DLGAP1: variants seen among roughly 807,000 people sequenced by gnomAD.
The protein encoded by DLGAP1 is DLG associated protein 1.
DLGAP1 carries 11 observed loss-of-function variants against 90.8 expected under a neutral mutation model. The observed-to-expected ratio is 0.12, with a 90% CI of 0.08 to 0.20. The LOEUF (loss-of-function observed/expected upper bound fraction) is 0.20, where lower values mean the gene tolerates loss of function less well. Ranked by LOEUF, DLGAP1 falls within the 10% of genes least tolerant of loss-of-function variation. DLGAP1 has a pLI of 1.00. For synonymous variants in DLGAP1, 558 were observed against 540.7 expected, an observed-to-expected ratio of 1.03 and a Z score of -0.44; for missense variants, 1,050 against 1,333.8, an observed-to-expected ratio of 0.79 and a Z score of 3.31.
Position 3,879,307 on chromosome 18 carries a change from G to A in DLGAP1, c.762C>T (p.Asn254=). ...SEQAVKASRS[N]NDVKCSTCAN... ...CGCAGGTGGAGCACTTGACGTCGTTGTTGCTCCGGGAGGCCTTCACCGCCT... is the reference window on the plus strand; with the variant it reads ...CGCAGGTGGAGCACTTGACGTCGTTATTGCTCCGGGAGGCCTTCACCGCCT... Residue 254 remains asparagine, a synonymous_variant, in exon 4 of 13, where the codon AAC becomes AAT. Coordinates refer to ENST00000315677, the MANE Select transcript of DLGAP1 (RefSeq NM_004746.4). The surrounding 1 kb of genome is among the most constrained non-coding windows in gnomAD (Gnocchi z 6.6). 2 of 1,598,098 alleles carry A rather than the reference G, an allele frequency of 1.3e-6. No individual in the cohort carries two copies. The highest frequency in any genetic ancestry group is 1.7e-6 in the Non-Finnish European group (2 of 1,171,732).
At chr18:3,810,319 A>G (rs2066769605) in intron 5 of DLGAP1, among the ~76,000 whole-genome samples, 1 of 152,246 alleles carries the variant, frequency 6.6e-6, no homozygotes, top group East Asian at 1.9e-4. Flanking sequence ...AACCACCCAC[A>G]TAAATAAACC....
intron 7 of DLGAP1, among the ~76,000 whole-genome samples, chr18:3,682,123 A>AAT (rs2060535994): frequency 8.6e-6 from 1 of 116,796 alleles, no homozygotes; most frequent in Admixed American, 7.6e-5. Flanking sequence ...TCTCAAAAAA[A>AAT]AAAAAAATAA....
intron 7 of DLGAP1, among the ~76,000 whole-genome samples, chr18:3,602,368 G>A (rs1394141294): frequency 6.6e-6 from 1 of 152,106 alleles, no homozygotes; most frequent in African/African-American, 2.4e-5. Flanking sequence ...GGCCGAGGCG[G>A]GCGGATCACG....
intron 6 of DLGAP1, among the ~76,000 whole-genome samples, chr18:3,741,281 TCACCAC>T (rs577827342): frequency 4.2e-5 from 2 of 47,614 alleles, no homozygotes; most frequent in African/African-American, 9.6e-5. Flanking sequence ...CACATCACCA[TCACCAC>T]CACCACCACC....
intron 5 of DLGAP1, among the ~76,000 whole-genome samples, chr18:3,782,850 A>G (rs1397166835): frequency 6.6e-6 from 1 of 152,238 alleles, no homozygotes; most frequent in East Asian, 1.9e-4. Context: ...AGGACACCTC[A>G]AGAAATTGAA....
intron 10 of DLGAP1, among the ~76,000 whole-genome samples, chr18:3,530,358 G>A (rs568722228): frequency 1.4e-4 from 21 of 152,202 alleles, no homozygotes; most frequent in Admixed American, 1.2e-3. Context: ...AGTGAGCTAT[G>A]ATCCCATCAC....
At chr18:3,675,320 C>T (rs540579412) in intron 7 of DLGAP1, among the ~76,000 whole-genome samples, 8 of 152,170 alleles carry the variant, frequency 5.3e-5, no homozygotes, top group Non-Finnish European at 8.8e-5. Context: ...GGTAATCCGC[C>T]GGCCTCAGCC....
At chr18:3,979,896 G>T (rs1262415170) in intron 3 of DLGAP1, among the ~76,000 whole-genome samples, 2 of 152,188 alleles carry the variant, frequency 1.3e-5, no homozygotes, top group South Asian at 2.1e-4. Flanking sequence ...AGCACTTTGG[G>T]AAGCCGAGGC....
chr18:3,989,649 A>G (rs1304503816), intron 3 of DLGAP1, among the ~76,000 whole-genome samples: 1 of 152,216 alleles, frequency 6.6e-6, no homozygotes, highest in Non-Finnish European at 1.5e-5. Flanking sequence ...GGACCAAACT[A>G]AAGAGCTTCT....
chr18:3,971,850 A>T (rs1286841462), intron 3 of DLGAP1, among the ~76,000 whole-genome samples: 1 of 152,194 alleles, frequency 6.6e-6, no homozygotes, highest in Non-Finnish European at 1.5e-5. Flanking sequence ...TATTTTAATA[A>T]GCATAATAAT....
intron 3 of DLGAP1, among the ~76,000 whole-genome samples, chr18:3,920,539 G>A (rs545710807): frequency 7.3e-4 from 111 of 152,136 alleles, no homozygotes; most frequent in African/African-American, 2.6e-3. Flanking sequence ...TATTCAGTAC[G>A]TCTATCTTCA....
At chr18:3,687,907 G>GTT (rs34437512) in intron 7 of DLGAP1, among the ~76,000 whole-genome samples, 18,979 of 133,120 alleles carry the variant, frequency 0.14, 1,546 homozygotes, top group South Asian at 0.25. Flanking sequence ...CTCAGAGACT[G>GTT]TTTTTTTTTT....
intron 1 of DLGAP1, among the ~76,000 whole-genome samples, chr18:4,348,400 A>ATGTGTGTGTGTGTGTGTGTGGGTG (rs2081340634): frequency 7.5e-6 from 1 of 133,488 alleles, no homozygotes; most frequent in Non-Finnish European, 1.6e-5. Context: ...GAACTCAGGA[A>ATGTGTGTGTGTGTGTGTGTGGGTG]TGTGTGTGTG....
At chr18:4,416,550 C>G (rs2062767068) in intron 1 of DLGAP1, among the ~76,000 whole-genome samples, 1 of 152,144 alleles carries the variant, frequency 6.6e-6, no homozygotes, top group South Asian at 2.1e-4. Flanking sequence ...ATGAGAGAGT[C>G]AGAAGTCTAT....
chr18:3,715,684 T>C (rs962569925), intron 7 of DLGAP1, among the ~76,000 whole-genome samples: 1 of 152,180 alleles, frequency 6.6e-6, no homozygotes, highest in African/African-American at 2.4e-5. Context: ...CCTTTTTTTC[T>C]TACCATAATT....
At chr18:3,539,526 T>C (rs1205682670) in intron 9 of DLGAP1, among the ~76,000 whole-genome samples, 1 of 152,238 alleles carries the variant, frequency 6.6e-6, no homozygotes, top group Non-Finnish European at 1.5e-5. Context: ...AAGTCACTTG[T>C]TAGCATTCAC....
intron 1 of DLGAP1, among the ~76,000 whole-genome samples, chr18:4,227,001 A>G (rs1202957687): frequency 6.6e-6 from 1 of 151,970 alleles, no homozygotes; most frequent in African/African-American, 2.4e-5. Context: ...CACTGAAAAT[A>G]AAAGGGATGG....
intron 10 of DLGAP1, among the ~76,000 whole-genome samples, chr18:3,531,114 C>T (rs1204369275): frequency 6.6e-6 from 1 of 152,172 alleles, no homozygotes; most frequent in African/African-American, 2.4e-5. Flanking sequence ...ATGCACTTAA[C>T]ATGATTTATA....
intron 8 of DLGAP1, among the ~76,000 whole-genome samples, chr18:3,578,138 T>C (rs990950919): frequency 2.0e-5 from 3 of 152,140 alleles, no homozygotes; most frequent in African/African-American, 4.8e-5. Flanking sequence ...TACAGAAATA[T>C]TAAGTAATTG....
Sources: gnomAD v4.1 joint callset for allele counts (sites outside exome capture counted in the v4.1 genomes callset) on GRCh38, gnomAD v4.1.1 for gene constraint, Gnocchi (gnomAD v3.1) non-coding constraint, MANE v1.5 for transcripts, NCBI Gene and HGNC (gene_info 2026-07-23, HGNC 2026-07-21) for gene names.